Variants in ARMH4 observed in about 807,000 individuals in gnomAD.
ARMH4 encodes armadillo like helical domain containing 4, also known as armadillo-like helical domain-containing protein 4.
In ARMH4, 49 loss-of-function variants were observed where a neutral mutation model predicts 61.9. The ratio of observed to expected loss-of-function variants is 0.79; its 90% confidence interval spans 0.63 to 1.00. The LOEUF (loss-of-function observed/expected upper bound fraction) is 1.00, where lower values mean the gene tolerates loss of function less well. Among genes scored for constraint, ARMH4 ranks in the 50% least tolerant of loss-of-function variants. ARMH4 has a pLI of 0.00. For synonymous variants in ARMH4, 368 were observed against 341.5 expected (o/e 1.08, Z -0.85); for missense variants, 934 against 930.0 (o/e 1.00, Z -0.06).
At chr14:58,132,581 CTTTTTTT>C (rs71448942) in intron 3 of ARMH4, among the ~76,000 whole-genome samples, 29 of 86,072 alleles carry the variant, frequency 3.4e-4, no homozygotes, top group Admixed American at 1.2e-3. Flanking sequence ...ACCCTTGTCC[CTTTTTTT>C]TTTTTTTTTT....
chr14:58,144,795 G>C (rs1035883657), intron 1 of ARMH4, among the ~76,000 whole-genome samples: 7 of 152,110 alleles, frequency 4.6e-5, no homozygotes, highest in African/African-American at 1.7e-4. Flanking sequence ...GTGAACCCAG[G>C]AGGCCGAGCT....
At chr14:58,035,107 T>C (rs1376030859) in intron 5 of ARMH4, among the ~76,000 whole-genome samples, 5 of 148,486 alleles carry the variant, frequency 3.4e-5, no homozygotes, top group Non-Finnish European at 6.0e-5. Context: ...ATACATTTTT[T>C]TCAGCACCAC....
intron 5 of ARMH4, among the ~76,000 whole-genome samples, chr14:58,081,707 T>G (rs1388876865): frequency 6.6e-6 from 1 of 151,790 alleles, no homozygotes; most frequent in East Asian, 1.9e-4. Flanking sequence ...TTTCACCGTG[T>G]TAGTTAGCCA....
At chr14:58,131,036 G>C (rs1337591832) in intron 4 of ARMH4, among the ~76,000 whole-genome samples, 1 of 152,126 alleles carries the variant, frequency 6.6e-6, no homozygotes, top group African/African-American at 2.4e-5. Flanking sequence ...ATTTCTAATG[G>C]TCAACTATAG....
chr14:58,044,434 C>T (rs999914501), intron 5 of ARMH4, among the ~76,000 whole-genome samples: 9 of 152,170 alleles, frequency 5.9e-5, no homozygotes, highest in Non-Finnish European at 1.3e-4. Flanking sequence ...GAAACTGGAT[C>T]CATTCCTTAC....
chr14:58,141,594 C>T (rs1000504282), intron 1 of ARMH4: 4 of 473,536 alleles, frequency 8.4e-6, no homozygotes, highest in East Asian at 5.2e-5. Flanking sequence ...GCCTGCACCC[C>T]GGTGCTATCA....
At chr14:58,031,851 G>C (rs1003004112) in intron 5 of ARMH4, among the ~76,000 whole-genome samples, 1 of 151,972 alleles carries the variant, frequency 6.6e-6, no homozygotes, top group African/African-American at 2.4e-5. Flanking sequence ...TTTCACCTTA[G>C]TACCACAAGG....
chr14:58,111,618 G>A (rs1886354361), intron 4 of ARMH4, among the ~76,000 whole-genome samples: 1 of 152,054 alleles, frequency 6.6e-6, no homozygotes, highest in Admixed American at 6.6e-5. Flanking sequence ...CCACCTTCTT[G>A]CTGTGTCCTT....
chr14:58,036,630 A>G (rs1359567040), intron 5 of ARMH4, among the ~76,000 whole-genome samples: 3 of 131,818 alleles, frequency 2.3e-5, no homozygotes, highest in Admixed American at 2.3e-4. Flanking sequence ...TGCAGATGAC[A>G]TGACTGTTTA....
intron 5 of ARMH4, among the ~76,000 whole-genome samples, chr14:58,081,076 G>A (rs574801418): frequency 3.1e-4 from 47 of 150,138 alleles, no homozygotes; most frequent in East Asian, 5.8e-4. Flanking sequence ...TACTCCAGCC[G>A]GGGACACAGA....
Position 58,138,474 on chromosome 14 carries a change from T to C in ARMH4, c.885A>G (p.Glu295=). ...PETDSLLGAP[E]VTVSVSTAVP... is the part of the protein sequence containing the mutation. ...CAGCTGTGCTGACACTCACTGTGAC[T>C]TCTGGGGCTCCCAGCAGACTATCAG... Residue 295 remains glutamate (E), a synonymous_variant, in exon 2 of 8, where the codon GAA becomes GAG. Coordinates refer to ENST00000267485, the MANE Select transcript of ARMH4 (RefSeq NM_001001872.4). The C allele has an allele frequency of 1.2e-6, 2 of 1,614,248 alleles. No individual in the cohort carries two copies. Among genetic ancestry groups the C allele is most frequent in the Non-Finnish European group, 1.7e-6 (2 of 1,180,044 alleles).
chr14:58,036,252 A>G (rs1410416799), intron 5 of ARMH4, among the ~76,000 whole-genome samples: 1 of 75,688 alleles, frequency 1.3e-5, no homozygotes, highest in Non-Finnish European at 2.8e-5. Context: ...CAATATACGC[A>G]AATCAATAAA....
chr14:58,035,982 C>G (rs1419180436), intron 5 of ARMH4, among the ~76,000 whole-genome samples: 3 of 130,016 alleles, frequency 2.3e-5, no homozygotes, highest in East Asian at 4.1e-4. Flanking sequence ...CAAGGAGGAA[C>G]TGGTACCATT....
chr14:58,148,989 G>A (rs1426107745), intron 1 of ARMH4, among the ~76,000 whole-genome samples: 3 of 152,086 alleles, frequency 2.0e-5, no homozygotes, highest in Non-Finnish European at 4.4e-5. Context: ...TGATGAGGGG[G>A]ATAGTGTCTT....
chr14:58,123,580 C>T (rs1005644188), intron 4 of ARMH4, among the ~76,000 whole-genome samples: 2 of 152,170 alleles, frequency 1.3e-5, no homozygotes, highest in Non-Finnish European at 2.9e-5. Context: ...GTACCTAACC[C>T]TCATACTCTG....
At chr14:58,013,392 T>G (rs1882484230) in intron 5 of ARMH4, among the ~76,000 whole-genome samples, 1 of 147,480 alleles carries the variant, frequency 6.8e-6, no homozygotes, top group Non-Finnish European at 1.5e-5. Flanking sequence ...TTCAACCCTA[T>G]TAAAATGTAA....
rs886764437 is a variant in ARMH4, at chr14:58,152,154, T to TGCG, written c.-139_-137dup. 4.6e-4 allele frequency: 74 copies of TGCG among 161,992 alleles called. No individual in the cohort carries two copies. The highest frequency in any genetic ancestry group is 2.1e-3 in the South Asian group (12 of 5,792). The allele number at this position is 161,992 out of a possible 1,614,324, so 10.0% of individuals were successfully genotyped here. Reference sequence around the variant, plus strand: ...CGCTCGGCATCCCAGCGGCGGGCCCTGCGGCGGCGGCGGCGGTAGCGGCGG... The same window carrying TGCG: ...CGCTCGGCATCCCAGCGGCGGGCCCTGCGGCGGCGGCGGCGGCGGTAGCGGCGG... On this transcript the variant is annotated 5_prime_UTR_variant, in exon 1 of 8. Coordinates refer to ENST00000267485, the MANE Select transcript of ARMH4 (RefSeq NM_001001872.4).
intron 5 of ARMH4, among the ~76,000 whole-genome samples, chr14:58,095,378 CTTTGTAT>C: frequency 6.6e-6 from 1 of 152,256 alleles, no homozygotes; most frequent in South Asian, 2.1e-4. Context: ...TATAAATTAT[CTTTGTAT>C]TTTGTATCTT....
At chr14:58,092,120 A>G (rs1885588521) in intron 5 of ARMH4, among the ~76,000 whole-genome samples, 1 of 151,868 alleles carries the variant, frequency 6.6e-6, no homozygotes, top group South Asian at 2.1e-4. Context: ...TTTTTAGTTC[A>G]CTACCCACCT....
Sources: allele counts gnomAD v4.1 joint callset (sites outside exome capture counted in the v4.1 genomes callset), GRCh38; gene constraint gnomAD v4.1.1; transcripts MANE v1.5; gene names NCBI Gene and HGNC (gene_info 2026-07-23, HGNC 2026-07-21).